DNAH9: variants seen among roughly 807,000 people sequenced by gnomAD.
The protein encoded by DNAH9 is DNAH9 variant protein.
Under a neutral mutation model 471.6 loss-of-function variants are expected in DNAH9, and 345 were observed. The observed-to-expected ratio is 0.73, with a 90% CI of 0.67 to 0.80. The LOEUF (loss-of-function observed/expected upper bound fraction) is 0.80, where lower values mean the gene tolerates loss of function less well. Among genes scored for constraint, DNAH9 ranks in the 30% least tolerant of loss-of-function variants. DNAH9 has a pLI of 0.00. For missense variants in DNAH9, 5,407 were observed against 5,609.2 expected (o/e 0.96, Z 1.15); for synonymous variants, 2,093 against 2,123.6 (o/e 0.99, Z 0.40).
At chr17:11,773,719 T>C (rs553295819) in intron 38 of DNAH9, among the ~76,000 whole-genome samples, 1 of 152,284 alleles carries the variant, frequency 6.6e-6, no homozygotes, top group Admixed American at 6.5e-5. Flanking sequence ...AATTATAAAA[T>C]ATTTCAAACA....
chr17:11,665,084 C>A (rs2073844592), intron 15 of DNAH9, 116 bp downstream of exon 15: 3 of 886,216 alleles, frequency 3.4e-6, no homozygotes, highest in East Asian at 2.5e-5. Flanking sequence ...ACGTTGTAGA[C>A]CTTTTGTGAA....
Position 11,666,625 on chromosome 17 carries a change from A to G in DNAH9, c.2731+1657A>G, listed in dbSNP as rs376903156. Among the ~76,000 whole-genome samples the G allele has an allele frequency of 5.3e-5, 8 of 152,186 alleles. No individual in the cohort carries two copies. In the East Asian group the frequency reaches 7.7e-4, roughly 15 times the overall value. ...AGGCACTGGTTATCTAAGGGGAAGT[A>G]AAGGAGCCTAAAGGGGCCTCTGAGA... On this transcript the variant is annotated intron_variant, in intron 15 of 68. Transcript: ENST00000262442.
At chr17:11,743,589 G>A (rs1360362191) in intron 30 of DNAH9, among the ~76,000 whole-genome samples, 3 of 152,122 alleles carry the variant, frequency 2.0e-5, no homozygotes, top group Non-Finnish European at 2.9e-5. Flanking sequence ...TCTCCCTGTC[G>A]TGTGATGCTC....
intron 2 of DNAH9, among the ~76,000 whole-genome samples, chr17:11,608,779 CTT>C (rs932920069): frequency 1.3e-5 from 2 of 152,172 alleles, no homozygotes; most frequent in African/African-American, 4.8e-5. Flanking sequence ...CAGCTGAAGA[CTT>C]TTTACAGGTC....
chr17:11,879,609 A>G (rs951753918), intron 53 of DNAH9, among the ~76,000 whole-genome samples: 3 of 152,144 alleles, frequency 2.0e-5, no homozygotes, highest in Non-Finnish European at 4.4e-5. Context: ...AGTAACCTAA[A>G]TCTTTGTTAA....
In DNAH9 at chr17:11,679,908, T is replaced by G. The variant is rs1408612550; in HGVS notation, c.3505T>G (p.Leu1169Val). Reference protein sequence around the residue: ...QSNTDEMFEPLKQTIELLKTY... With the variant: ...QSNTDEMFEPVKQTIELLKTY... ...TAACACTGATGAGATGTTTGAGCCCTTAAAGCAGACTATTGAATTGCTGAA... is the reference window on the plus strand; with the variant it reads ...TAACACTGATGAGATGTTTGAGCCCGTAAAGCAGACTATTGAATTGCTGAA... Residue 1169 changes from leucine to valine, a missense_variant, in exon 18 of 69, where the codon TTA (leucine) becomes GTA (valine). This residue lies in a region of DNAH9 where 4,636 missense variants were observed against 4,900.3 expected (regional missense o/e 0.95). Coordinates refer to ENST00000262442, the MANE Select transcript of DNAH9 (RefSeq NM_001372.4). 1 of 1,614,154 alleles carries G rather than the reference T, an allele frequency of 6.2e-7. No homozygotes were observed.
intron 11 of DNAH9, among the ~76,000 whole-genome samples, chr17:11,645,845 G>A (rs1429905355): frequency 1.3e-5 from 2 of 149,838 alleles, no homozygotes; most frequent in East Asian, 3.9e-4. Flanking sequence ...GCTATTAGGT[G>A]CCTGATGTCC....
intron 14 of DNAH9, among the ~76,000 whole-genome samples, chr17:11,659,428 G>A (rs914064750): frequency 6.6e-6 from 1 of 152,038 alleles, no homozygotes; most frequent in African/African-American, 2.4e-5. Flanking sequence ...TGTGCCAAAG[G>A]GTGGAAGGCT....
At chr17:11,656,318 T>A (rs1052811777) in intron 14 of DNAH9, among the ~76,000 whole-genome samples, 2 of 152,234 alleles carry the variant, frequency 1.3e-5, no homozygotes, top group Non-Finnish European at 2.9e-5. Flanking sequence ...TCATTAGTGA[T>A]GTTGAGAATT....
chr17:11,657,971 C>T (rs1277237672), intron 14 of DNAH9, among the ~76,000 whole-genome samples: 1 of 151,948 alleles, frequency 6.6e-6, no homozygotes, highest in African/African-American at 2.4e-5. Context: ...TTCAGTTTTT[C>T]CTTTTCAAGG....
chr17:11,609,055 G>A (rs910105195), intron 2 of DNAH9, among the ~76,000 whole-genome samples: 8 of 152,134 alleles, frequency 5.3e-5, no homozygotes, highest in African/African-American at 1.9e-4. Flanking sequence ...ATTTCATCCA[G>A]CATCTCTATG....
At position 11,640,184 on chromosome 17, in the gene DNAH9, T is replaced by C. The variant is rs115522073; in HGVS notation, c.1787-86T>C. On this transcript the variant is annotated intron_variant, in intron 9 of 68. Coordinates refer to ENST00000262442, the MANE Select transcript of DNAH9 (RefSeq NM_001372.4). ...TAGTCTGGAGATAATGAGGCAAAAG[T>C]GGAGTACTTGGTGGGAGGTGTTTGC... 1,724 of 747,818 alleles carry C rather than the reference T, an allele frequency of 2.3e-3. 30 individuals are homozygous for C. The African/African-American group carries it at 0.027, about 12-fold the overall frequency. 46.3% of individuals were successfully genotyped at this position (747,818 alleles called of 1,614,324 possible). A position where few individuals can be genotyped will look rare whatever the true frequency, so the allele number is the denominator to read the frequency against.
chr17:11,700,358 C>T (rs1382292890), intron 23 of DNAH9, among the ~76,000 whole-genome samples: 2 of 152,130 alleles, frequency 1.3e-5, no homozygotes, highest in Non-Finnish European at 2.9e-5. Context: ...CTCCCACAGC[C>T]TTCCCCTTGG....
chr17:11,869,013 A>G, intron 50 of DNAH9, 121 bp from the exon 51 acceptor site: 2 of 1,204,022 alleles, frequency 1.7e-6, no homozygotes, highest in Non-Finnish European at 2.3e-6. Flanking sequence ...CCCTGGTCCC[A>G]TAGGAATGCC....
chr17:11,863,172 GTTA>G (rs1254973129), intron 50 of DNAH9, among the ~76,000 whole-genome samples: 1 of 152,058 alleles, frequency 6.6e-6, no homozygotes, highest in African/African-American at 2.4e-5. Context: ...ATAGATAGCT[GTTA>G]TTATTTTGAG....
At chr17:11,713,260 T>G (rs559206919) in intron 26 of DNAH9, among the ~76,000 whole-genome samples, 1 of 152,338 alleles carries the variant, frequency 6.6e-6, no homozygotes, top group South Asian at 2.1e-4. Context: ...TGCATAGTAT[T>G]CGGCGGTGTA....
At chr17:11,884,340 C>T (rs1052143596) in intron 56 of DNAH9, 11 of 261,760 alleles carry the variant, frequency 4.2e-5, no homozygotes, top group Non-Finnish European at 7.0e-5. Context: ...GACTAGAAGA[C>T]GGGGTGTGAT....
Position 11,611,709 on chromosome 17 carries a change from CCAAGCTCCTGGA to C in DNAH9, c.840_851del (p.Leu281_Leu284del), listed in dbSNP as rs1463165178. ...AGAACAATAACGGTGAGGGGCATGG[CCAAGCTCCTGGA>C]CAAGCTTCAGAGTAGCTACTTTCCA... On this transcript the variant is annotated inframe_deletion, in exon 4 of 69. Coordinates refer to ENST00000262442, the MANE Select transcript of DNAH9 (RefSeq NM_001372.4). 3 of 1,613,720 alleles carry C rather than the reference CCAAGCTCCTGGA, an allele frequency of 1.9e-6. No homozygotes were observed. In the East Asian group the frequency reaches 6.7e-5, roughly 36 times the overall value.
chr17:11,864,430 C>G (rs921314709), intron 50 of DNAH9, among the ~76,000 whole-genome samples: 2 of 151,080 alleles, frequency 1.3e-5, no homozygotes, highest in Non-Finnish European at 3.0e-5. Flanking sequence ...CTGAGGAGAG[C>G]TTTACTTCCA....
Sources: allele counts gnomAD v4.1 joint callset (sites outside exome capture counted in the v4.1 genomes callset), GRCh38; gene constraint gnomAD v4.1.1; regional missense constraint gnomAD v4.1.1; transcripts MANE v1.5; gene names NCBI Gene and HGNC (gene_info 2026-07-23, HGNC 2026-07-21).